The following CTDSPL variants were observed in gnomAD, a reference collection of about 807,000 sequenced individuals.
CTDSPL encodes the protein CTD small phosphatase like, also known as CTD small phosphatase-like protein.
In CTDSPL, 8 loss-of-function variants were observed where a neutral mutation model predicts 30.5. The observed-to-expected ratio is 0.26, with a 90% CI of 0.15 to 0.47. The LOEUF (loss-of-function observed/expected upper bound fraction) is 0.47. Ranked by LOEUF, CTDSPL falls within the 20% of genes least tolerant of loss-of-function variation. CTDSPL has a pLI of 0.99. For missense variants in CTDSPL, 248 were observed against 366.1 expected (o/e 0.68, Z 2.63); for synonymous variants, 110 against 137.9 (o/e 0.80, Z 1.42).
At chr3:37,894,478 A>C (rs1335218965) in intron 1 of CTDSPL, among the ~76,000 whole-genome samples, 2 of 152,090 alleles carry the variant, frequency 1.3e-5, no homozygotes, top group Non-Finnish European at 2.9e-5. Flanking sequence ...GTGAGTGGTC[A>C]CTGGAATTAT....
At chr3:37,905,258 C>T (rs921329196) in intron 1 of CTDSPL, among the ~76,000 whole-genome samples, 2 of 152,178 alleles carry the variant, frequency 1.3e-5, no homozygotes, top group African/African-American at 2.4e-5. Context: ...AATTGGGAAG[C>T]CTGCCTTACT....
chr3:37,874,241 A>G (rs1698108171), intron 1 of CTDSPL, among the ~76,000 whole-genome samples: 3 of 152,304 alleles, frequency 2.0e-5, no homozygotes, highest in Middle Eastern at 3.4e-3. Context: ...CCCGTTTGGC[A>G]TGGCAGCACT....
intron 1 of CTDSPL, among the ~76,000 whole-genome samples, chr3:37,902,942 A>G (rs905096569): frequency 4.6e-5 from 7 of 152,342 alleles, no homozygotes; most frequent in African/African-American, 1.7e-4. Context: ...GGCAACATCT[A>G]CAGTGAAAGG....
chr3:37,898,277 T>A (rs1450863061), intron 1 of CTDSPL, among the ~76,000 whole-genome samples: 1 of 152,184 alleles, frequency 6.6e-6, no homozygotes, highest in East Asian at 1.9e-4. Context: ...AGAAAGGTAC[T>A]TCTTCGTGTT....
At chr3:37,927,701 TATATAA>T (rs1698801004) in intron 1 of CTDSPL, among the ~76,000 whole-genome samples, 3 of 149,170 alleles carry the variant, frequency 2.0e-5, no homozygotes, top group Admixed American at 6.7e-5. Flanking sequence ...TATATATATA[TATATAA>T]AAAATGAAAT....
At chr3:37,909,579 A>G (rs1698557155) in intron 1 of CTDSPL, among the ~76,000 whole-genome samples, 2 of 152,368 alleles carry the variant, frequency 1.3e-5, no homozygotes, top group Admixed American at 6.5e-5. Flanking sequence ...TTGTTCTGGC[A>G]TATCTGGTAA....
intron 7 of CTDSPL, 31 bp from the exon 8 acceptor site, chr3:37,980,711 C>G (rs1699481478): frequency 1.2e-6 from 2 of 1,613,528 alleles, no homozygotes; most frequent in African/African-American, 2.7e-5. Context: ...TAGATGCAGT[C>G]CTGCTGCCTC....
At position 37,983,026 on chromosome 3, in the gene CTDSPL, C is replaced by G. The variant is rs1157151620; in HGVS notation, c.*2159C>G. ...CGAACCTAGGGATAGTGCTCCACTTCTGACGATGGAGTGAAGACACTTGGC... is the reference window on the plus strand; with the variant it reads ...CGAACCTAGGGATAGTGCTCCACTTGTGACGATGGAGTGAAGACACTTGGC... On this transcript the variant is annotated 3_prime_UTR_variant, in exon 8 of 8. Coordinates refer to ENST00000273179, the MANE Select transcript of CTDSPL (RefSeq NM_001008392.2). 5.1e-6 allele frequency: 1 copy of G among 195,296 alleles called. No individual in the cohort carries two copies. The highest frequency in any genetic ancestry group is 2.3e-5 in the African/African-American group (1 of 42,628). 12.1% of individuals were successfully genotyped at this position (195,296 alleles called of 1,614,324 possible).
At chr3:37,961,277 T>G (rs1699242342) in intron 3 of CTDSPL, among the ~76,000 whole-genome samples, 1 of 152,184 alleles carries the variant, frequency 6.6e-6, no homozygotes, top group Non-Finnish European at 1.5e-5. Flanking sequence ...AGGGCCTTCC[T>G]TAGTGGGAAG....
intron 1 of CTDSPL, among the ~76,000 whole-genome samples, chr3:37,943,576 C>T (rs886485290): frequency 2.2e-4 from 33 of 150,378 alleles, no homozygotes; most frequent in African/African-American, 7.7e-4. Flanking sequence ...TTGCTACTCC[C>T]TCCTTTGCTC....
intron 1 of CTDSPL, among the ~76,000 whole-genome samples, chr3:37,877,062 C>A (rs557171590): frequency 6.7e-6 from 1 of 150,064 alleles, no homozygotes; most frequent in Non-Finnish European, 1.5e-5. Flanking sequence ...ACCGAGATTG[C>A]GCCTCTGCAC....
rs1228723763 is a variant in CTDSPL, at chr3:37,886,843, GA to G, written c.79+24568del. On this transcript the variant is annotated intron_variant, in intron 1 of 7. Coordinates refer to ENST00000273179, the MANE Select transcript of CTDSPL (RefSeq NM_001008392.2). ...TCCACACTCCTAAGCCCAATAGGGG[GA>G]AACTCTGATGTGGTAGGTTTAGGGT... 3.9e-5 allele frequency among the ~76,000 whole-genome samples: 6 copies of G among 152,318 alleles called. No individual in the cohort carries two copies. The East Asian group carries it at 9.6e-4, about 24-fold the overall frequency.
At chr3:37,948,255 G>A (rs996111506) in intron 2 of CTDSPL, among the ~76,000 whole-genome samples, 32 of 152,132 alleles carry the variant, frequency 2.1e-4, no homozygotes, top group African/African-American at 7.7e-4. Context: ...CTGCACTCCA[G>A]CCTGAGTGAC....
At chr3:37,972,502 A>G (rs1460137969) in intron 6 of CTDSPL, among the ~76,000 whole-genome samples, 1 of 152,156 alleles carries the variant, frequency 6.6e-6, no homozygotes, top group African/African-American at 2.4e-5. Context: ...ATATATATAC[A>G]TATATTTATT....
intron 1 of CTDSPL, among the ~76,000 whole-genome samples, chr3:37,946,563 G>A (rs1699041059): frequency 6.6e-6 from 1 of 152,204 alleles, no homozygotes; most frequent in African/African-American, 2.4e-5. Context: ...AACCCACGAA[G>A]TTAGTCATTT....
chr3:37,957,906 T>C (rs1699192155), intron 3 of CTDSPL, among the ~76,000 whole-genome samples: 1 of 152,186 alleles, frequency 6.6e-6, no homozygotes, highest in Non-Finnish European at 1.5e-5. Context: ...CCAAAAGAAA[T>C]TTACAGTTGA....
chr3:37,893,490 G>A (rs1005358988), intron 1 of CTDSPL, among the ~76,000 whole-genome samples: 9 of 152,188 alleles, frequency 5.9e-5, no homozygotes, highest in Admixed American at 2.0e-4. Flanking sequence ...GATTTCTAAT[G>A]CAAATATTGA....
chr3:37,891,298 G>A (rs559821855), intron 1 of CTDSPL, among the ~76,000 whole-genome samples: 1 of 152,304 alleles, frequency 6.6e-6, no homozygotes, highest in East Asian at 1.9e-4. Context: ...CTCACTGTGT[G>A]TCTGGTTATA....
intron 1 of CTDSPL, among the ~76,000 whole-genome samples, chr3:37,919,038 G>GA (rs1698683606): frequency 6.6e-6 from 1 of 152,096 alleles, no homozygotes; most frequent in African/African-American, 2.4e-5. Context: ...AAATGACTCT[G>GA]AAAATCTCTC....
Sources: gnomAD v4.1 joint callset for allele counts (sites outside exome capture counted in the v4.1 genomes callset) on GRCh38, gnomAD v4.1.1 for gene constraint, MANE v1.5 for transcripts, NCBI Gene and HGNC (gene_info 2026-07-23, HGNC 2026-07-21) for gene names.